Variants in LRRTM4 observed in about 807,000 individuals in gnomAD.
The protein encoded by LRRTM4 is leucine-rich repeat transmembrane neuronal protein 4.
Under a neutral mutation model 47.6 loss-of-function variants are expected in LRRTM4, and 25 were observed. The ratio of observed to expected loss-of-function variants is 0.53; its 90% CI spans 0.38 to 0.73. The LOEUF is 0.73. Among genes scored for constraint, LRRTM4 ranks in the 30% least tolerant of loss-of-function variants. The pLI is 0.00. For missense variants in LRRTM4, 638 were observed against 713.4 expected (o/e 0.89, Z 1.20); for synonymous variants, 311 against 269.5 (o/e 1.15, Z -1.51).
chr2:76,926,620 A>G (rs1281538071), intron 3 of LRRTM4, among the ~76,000 whole-genome samples: 1 of 152,096 alleles, frequency 6.6e-6, no homozygotes, highest in Non-Finnish European at 1.5e-5. Context: ...CTGGTATTGC[A>G]GGAATGTTTT....
chr2:77,299,023 A>G lies in LRRTM4; in HGVS notation c.1551+219295T>C, dbSNP rs564093268. On this transcript the variant is annotated intron_variant, in intron 3 of 3. Transcript: ENST00000409884. ...GTTTATATAAAACACAATACAAAAC[A>G]GTATACAAGAAGGTTTACATAACGT... Among the ~76,000 whole-genome samples, 5 of 152,306 alleles carry G rather than the reference A, an allele frequency of 3.3e-5. No homozygotes were observed. In the East Asian group the frequency reaches 9.6e-4, roughly 29 times the overall value.
intron 3 of LRRTM4, among the ~76,000 whole-genome samples, chr2:76,780,702 C>G (rs1187652017): frequency 3.3e-5 from 5 of 152,074 alleles, no homozygotes; most frequent in Admixed American, 2.0e-4. Context: ...CCTTTGGTTT[C>G]AATGTCCTCC....
intron 3 of LRRTM4, among the ~76,000 whole-genome samples, chr2:77,450,523 T>G (rs982411327): frequency 2.0e-5 from 3 of 152,190 alleles, no homozygotes; most frequent in Non-Finnish European, 4.4e-5. Flanking sequence ...TACTTTTTGT[T>G]TATAAAGCTG....
chr2:77,331,750 G>A (rs112171445), intron 3 of LRRTM4, among the ~76,000 whole-genome samples: 41 of 152,232 alleles, frequency 2.7e-4, no homozygotes, highest in African/African-American at 8.4e-4. Flanking sequence ...TGCATCTCAT[G>A]ATTACTTCTA....
intron 3 of LRRTM4, among the ~76,000 whole-genome samples, chr2:77,369,470 A>G (rs945171047): frequency 2.0e-5 from 3 of 151,764 alleles, no homozygotes; most frequent in Non-Finnish European, 4.4e-5. Context: ...AATATAATCT[A>G]CAACATGAAG....
intron 3 of LRRTM4, among the ~76,000 whole-genome samples, chr2:77,144,301 G>T (rs1672199602): frequency 6.6e-6 from 1 of 151,944 alleles, no homozygotes; most frequent in African/African-American, 2.4e-5. Context: ...CCTGAAAACT[G>T]CTTGCTAACC....
chr2:77,047,529 C>A (rs978768138), intron 3 of LRRTM4, among the ~76,000 whole-genome samples: 1 of 151,948 alleles, frequency 6.6e-6, no homozygotes, highest in Non-Finnish European at 1.5e-5. Flanking sequence ...CAATCTTTGG[C>A]ATTCATCAGG....
At chr2:77,277,912 T>G (rs1235265208) in intron 3 of LRRTM4, among the ~76,000 whole-genome samples, 2 of 152,002 alleles carry the variant, frequency 1.3e-5, no homozygotes, top group Non-Finnish European at 2.9e-5. Flanking sequence ...CCTTATTAGG[T>G]CCATAAGAAA....
At chr2:77,194,663 C>A (rs1389806755) in intron 3 of LRRTM4, among the ~76,000 whole-genome samples, 1 of 152,114 alleles carries the variant, frequency 6.6e-6, no homozygotes, top group Non-Finnish European at 1.5e-5. Flanking sequence ...AAAAAGATGT[C>A]TTTCTCTTAA....
chr2:76,989,505 T>C (rs1353126905), intron 3 of LRRTM4, among the ~76,000 whole-genome samples: 1 of 151,920 alleles, frequency 6.6e-6, no homozygotes, highest in Non-Finnish European at 1.5e-5. Context: ...AGGATACTTT[T>C]GTTAGTATGA....
At chr2:77,016,064 G>A (rs1678057346) in intron 3 of LRRTM4, among the ~76,000 whole-genome samples, 1 of 151,916 alleles carries the variant, frequency 6.6e-6, no homozygotes, top group Admixed American at 6.6e-5. Flanking sequence ...CTGGGTGACA[G>A]AATGAGATTC....
chr2:77,419,410 A>G (rs1674779107), intron 3 of LRRTM4, among the ~76,000 whole-genome samples: 1 of 152,212 alleles, frequency 6.6e-6, no homozygotes, highest in South Asian at 2.1e-4. Context: ...TCCCTTATAC[A>G]AAACAGCATA....
At chr2:77,068,279 A>C (rs1298337553) in intron 3 of LRRTM4, among the ~76,000 whole-genome samples, 2 of 152,160 alleles carry the variant, frequency 1.3e-5, no homozygotes, top group African/African-American at 4.8e-5. Flanking sequence ...CTTGGTTCTT[A>C]ATGCTTCCTG....
chr2:76,805,559 C>A (rs1196338466), intron 3 of LRRTM4, among the ~76,000 whole-genome samples: 2 of 152,076 alleles, frequency 1.3e-5, no homozygotes, highest in Admixed American at 6.6e-5. Flanking sequence ...ATATTAAATT[C>A]TCCTTCTACC....
At chr2:77,473,479 T>C (rs1442251398) in intron 3 of LRRTM4, among the ~76,000 whole-genome samples, 1 of 152,058 alleles carries the variant, frequency 6.6e-6, no homozygotes, top group Non-Finnish European at 1.5e-5. Context: ...ACCTGATAGC[T>C]CTATTAGCCT....
At chr2:76,748,955 T>C in intron 3 of LRRTM4, 39 bp from the exon 4 acceptor site, 1 of 1,572,146 alleles carries the variant, frequency 6.4e-7, no homozygotes, top group Non-Finnish European at 8.7e-7. Flanking sequence ...GATTATAAAA[T>C]TGCTTTGGAA....
chr2:76,808,654 G>C (rs1670635030), intron 3 of LRRTM4, among the ~76,000 whole-genome samples: 1 of 152,112 alleles, frequency 6.6e-6, no homozygotes, highest in Non-Finnish European at 1.5e-5. Flanking sequence ...GTAAAAACCA[G>C]TATTCTGAAG....
intron 3 of LRRTM4, among the ~76,000 whole-genome samples, chr2:76,987,749 C>T (rs953081503): frequency 6.6e-6 from 1 of 151,772 alleles, no homozygotes; most frequent in African/African-American, 2.4e-5. Flanking sequence ...TCTCCATTAT[C>T]CTGTAGATGC....
At chr2:77,304,091 C>A (rs573457368) in intron 3 of LRRTM4, among the ~76,000 whole-genome samples, 2 of 152,076 alleles carry the variant, frequency 1.3e-5, no homozygotes, top group African/African-American at 4.8e-5. Context: ...GCAAGGGTTC[C>A]TTTTTCTCCA....
Sources: allele counts gnomAD v4.1 joint callset (sites outside exome capture counted in the v4.1 genomes callset), GRCh38; gene constraint gnomAD v4.1.1; transcripts MANE v1.5; gene names NCBI Gene and HGNC (gene_info 2026-07-23, HGNC 2026-07-21).